The following MED14 variants were observed in gnomAD, a reference collection of about 807,000 sequenced individuals.
MED14 encodes the protein mediator of RNA polymerase II transcription subunit 14.
Under a neutral mutation model 109.0 loss-of-function variants are expected in MED14, and 8 were observed. The observed-to-expected ratio is 0.07, with a 90% CI of 0.04 to 0.13. The LOEUF (loss-of-function observed/expected upper bound fraction) is 0.13. MED14 is among the 10% of genes least tolerant of loss of function. MED14 has a pLI of 1.00. For missense variants in MED14, 711 were observed against 1,142.4 expected, an observed-to-expected ratio of 0.62 and a Z score of 5.44; for synonymous variants, 399 against 408.7, an observed-to-expected ratio of 0.98 and a Z score of 0.29.
Position 40,675,224 on chromosome X carries a change from T to C in MED14, c.3018A>G (p.Gln1006=). ...TGGAATTCTGGCTAGATATTACCTG[T>C]TGCTGGGGTGGTGGCTGGAGCTGCG... ...LISQLQPPPQ[Q]QPFPKQPGTS... Residue 1006 remains glutamine (Q), a synonymous_variant, in exon 22 of 31, where the codon CAA becomes CAG. Transcript: ENST00000324817. 1 of 1,177,965 alleles carries C rather than the reference T, an allele frequency of 8.5e-7. No individual in the cohort carries two copies.
chrX:40,702,110 C>T lies in MED14; in HGVS notation c.1412-867G>A, dbSNP rs73624925. On this transcript the variant is annotated intron_variant, in intron 11 of 30. Coordinates refer to ENST00000324817, the MANE Select transcript of MED14 (RefSeq NM_004229.4). ...AAAGAGAGCCTTCATCAGAAATCAA[C>T]CATGCTGACACCTTGATCTTGAATT... is the stretch of plus-strand genomic sequence containing the variant. Among the ~76,000 whole-genome samples, 687 of 111,652 alleles carry T rather than the reference C, an allele frequency of 6.2e-3. 6 individuals carry two copies. The highest frequency in any genetic ancestry group is 0.021 in the African/African-American group (633 of 30,733).
At chrX:40,681,591 A>G (rs1930112780) in intron 19 of MED14, among the ~76,000 whole-genome samples, 1 of 111,923 alleles carries the variant, frequency 8.9e-6, no homozygotes, top group Non-Finnish European at 1.9e-5. Context: ...AGAAAAAAAT[A>G]CAAACACCAT....
chrX:40,654,629 A>G (rs1928991800), intron 29 of MED14, 73 bp from the exon 30 acceptor site: 1 of 1,018,969 alleles, frequency 9.8e-7, no homozygotes, highest in Non-Finnish European at 1.3e-6. Context: ...CAAAGGTACT[A>G]TCATTTACTG....
chrX:40,664,663 G>T (rs934591607), intron 24 of MED14, among the ~76,000 whole-genome samples, 174 bp from the exon 25 acceptor site: 3 of 111,576 alleles, frequency 2.7e-5, no homozygotes, highest in Admixed American at 9.5e-5. Context: ...TTTGTGTAAG[G>T]TACTTTTTAA....
chrX:40,710,723 G>A (rs1931310596), intron 8 of MED14, among the ~76,000 whole-genome samples: 1 of 112,556 alleles, frequency 8.9e-6, no homozygotes, highest in African/African-American at 3.2e-5. Flanking sequence ...GTAAGTCTTA[G>A]TACAAACAGG....
At chrX:40,684,636 G>A (rs747831702) in intron 16 of MED14, among the ~76,000 whole-genome samples, 1 of 112,392 alleles carries the variant, frequency 8.9e-6, no homozygotes, top group South Asian at 3.7e-4. Context: ...CTCCGTAGGA[G>A]TTATAAAGCA....
intron 24 of MED14, among the ~76,000 whole-genome samples, chrX:40,666,088 T>C (rs751363264): frequency 1.8e-5 from 2 of 112,034 alleles, no homozygotes; most frequent in African/African-American, 3.2e-5. Flanking sequence ...ACTCATGATA[T>C]ATTAAGTGAA....
In MED14 at chrX:40,671,936, G is replaced by T. The variant is rs758059532; in HGVS notation, c.3058C>A (p.Pro1020Thr). 8 of 1,202,806 alleles carry T rather than the reference G, an allele frequency of 6.7e-6. No individual in the cohort carries two copies. Among genetic ancestry groups the T allele is most frequent in the Non-Finnish European group, 9.0e-6 (8 of 891,416 alleles). The change falls in exon 23 of 31, where the codon CCT becomes ACT. Residue 1020 changes from proline to threonine, a missense_variant. By Grantham distance (38) the Pro-to-Thr change is conservative (BLOSUM62 -1). Transcript: ENST00000324817. Reference sequence around the variant, plus strand: ...TAAGATGTAGGGGGTGAAGTAAGAGGATAAGCACCTGATGTTCCTGGCTGC... The same window carrying T: ...TAAGATGTAGGGGGTGAAGTAAGAGTATAAGCACCTGATGTTCCTGGCTGC... ...PKQPGTSGAY[P>T]LTSPPTSYHS...
At chrX:40,723,042 T>G (rs181130317) in intron 3 of MED14, among the ~76,000 whole-genome samples, 49 of 111,987 alleles carry the variant, frequency 4.4e-4, no homozygotes, top group African/African-American at 1.6e-3. Flanking sequence ...ACAAACTCAC[T>G]GGTAATAGTG....
rs1290512040 is a variant in MED14 at position 40,709,456 on chromosome X, C to T, written c.1177G>A (p.Asp393Asn). The T allele has an allele frequency of 2.9e-6, 3 of 1,033,767 alleles. No homozygotes were observed. Among genetic ancestry groups the T allele is most frequent in the Admixed American group, 2.7e-5 (1 of 37,669 alleles). 85.2% of individuals were successfully genotyped at this position (1,033,767 alleles called of 1,213,427 possible). A position where few individuals can be genotyped will look rare whatever the true frequency, so the allele number is the denominator to read the frequency against. ...SKLVERAMKI[D>N]HLSIEKLLID... ...AGGAGTTTTTCTATTGATAAGTGGT[C>T]GATCTGCATAAATAAGAACAACAAA... Residue 393 changes from aspartate to asparagine, a missense_variant, in exon 10 of 31, where the codon GAC becomes AAC. Transcript: ENST00000324817.
intron 16 of MED14, among the ~76,000 whole-genome samples, chrX:40,686,826 C>T (rs1930310889): frequency 8.9e-6 from 1 of 111,881 alleles, no homozygotes; most frequent in Admixed American, 9.5e-5. Flanking sequence ...TGCAAAGAAA[C>T]CTGTTTCCTG....
chrX:40,657,642 A>C (rs1441512425), intron 28 of MED14, among the ~76,000 whole-genome samples: 1 of 111,864 alleles, frequency 8.9e-6, no homozygotes, highest in African/African-American at 3.3e-5. Context: ...AGCCCTAAAA[A>C]ACGAACACGA....
At chrX:40,696,995 C>A in intron 13 of MED14, 29 bp downstream of exon 13, 1 of 1,093,544 alleles carries the variant, frequency 9.1e-7, no homozygotes, top group South Asian at 2.2e-5. Context: ...TAAACTTGAT[C>A]ACTCCAAATC....
intron 16 of MED14, among the ~76,000 whole-genome samples, chrX:40,684,849 A>G (rs1442788588): frequency 8.9e-6 from 1 of 112,126 alleles, no homozygotes; most frequent in Non-Finnish European, 1.9e-5. Flanking sequence ...GGAACCCTGA[A>G]AGTGCACTGT....
intron 19 of MED14, 133 bp downstream of exon 19, chrX:40,681,719 C>T: frequency 2.5e-6 from 1 of 397,855 alleles, no homozygotes; most frequent in Middle Eastern, 7.0e-4. Flanking sequence ...AGCCACAAAG[C>T]ATTTAAAATT....
chrX:40,691,607 C>CTTTTTTTTTTTTTTTTTTTTTTTTTTTT, intron 15 of MED14, among the ~76,000 whole-genome samples: 1 of 59,457 alleles, frequency 1.7e-5, no homozygotes, highest in Non-Finnish European at 3.0e-5. Context: ...TTCTTTTAAT[C>CTTTTTTTTTTTTTTTTTTTTTTTTTTTT]TTTTTTTTTT....
At chrX:40,679,800 T>G (rs1196895488) in intron 21 of MED14, 64 bp downstream of exon 21, 1 of 1,089,416 alleles carries the variant, frequency 9.2e-7, no homozygotes, top group Non-Finnish European at 1.2e-6. Flanking sequence ...TATTTCCCCC[T>G]CAAAGAAACT....
intron 10 of MED14, among the ~76,000 whole-genome samples, chrX:40,707,487 T>C (rs1385247578): frequency 8.9e-6 from 1 of 111,800 alleles, no homozygotes; most frequent in African/African-American, 3.3e-5. Context: ...GGCATGAATG[T>C]TCATAGCAGC....
chrX:40,690,211 A>G (rs761986660), intron 15 of MED14, among the ~76,000 whole-genome samples: 5 of 112,164 alleles, frequency 4.5e-5, no homozygotes, highest in East Asian at 5.5e-4. Context: ...CAGTATCCAG[A>G]TAAGAGGACA....
Sources: gnomAD v4.1 joint callset for allele counts (sites outside exome capture counted in the v4.1 genomes callset) on GRCh38, gnomAD v4.1.1 for gene constraint, MANE v1.5 for transcripts, NCBI Gene and HGNC (gene_info 2026-07-23, HGNC 2026-07-21) for gene names.